Variants in GALNT13 observed in about 807,000 individuals in gnomAD.
The protein encoded by GALNT13 is UDP-GalNAc:polypeptide N-acetylgalactosaminyltransferase 13.
A neutral mutation model predicts 64.2 loss-of-function variants in GALNT13; 28 were observed. The ratio of observed to expected loss-of-function variants is 0.44; its 90% CI spans 0.32 to 0.60. The LOEUF (loss-of-function observed/expected upper bound fraction) is 0.60. GALNT13 is among the 20% of genes least tolerant of loss of function. GALNT13 has a pLI of 0.05. For synonymous variants in GALNT13, 214 were observed against 224.6 expected, an observed-to-expected ratio of 0.95 and a Z score of 0.42; for missense variants, 577 against 669.8, an observed-to-expected ratio of 0.86 and a Z score of 1.53.
At chr2:153,100,861 T>C in the GALNT13 span, among the ~76,000 whole-genome samples, 6 of 152,194 alleles carry the variant, frequency 3.9e-5, no homozygotes, top group African/African-American at 1.4e-4. Context: ...AAACCCCATC[T>C]CTACTAAAAA....
chr2:154,427,514 C>T (rs771757986), intron 11 of GALNT13, among the ~76,000 whole-genome samples: 20 of 152,144 alleles, frequency 1.3e-4, no homozygotes, highest in Non-Finnish European at 2.1e-4. Flanking sequence ...GAAGAATAAG[C>T]TGGCTTGCTG....
chr2:153,256,085 C>G, the GALNT13 span, among the ~76,000 whole-genome samples: 3 of 152,098 alleles, frequency 2.0e-5, no homozygotes, highest in Admixed American at 1.3e-4. Flanking sequence ...TCCATTCTCC[C>G]CATCACTTTC....
the GALNT13 span, among the ~76,000 whole-genome samples, chr2:153,343,868 C>T: frequency 2.6e-5 from 4 of 152,120 alleles, no homozygotes; most frequent in Admixed American, 6.5e-5. Flanking sequence ...ACTAAACACC[C>T]TGCATCTACA....
the GALNT13 span, among the ~76,000 whole-genome samples, chr2:153,390,281 G>A: frequency 3.3e-5 from 5 of 152,004 alleles, no homozygotes; most frequent in African/African-American, 1.2e-4. Flanking sequence ...TGGACACAGG[G>A]AGGGGAACAT....
the GALNT13 span, among the ~76,000 whole-genome samples, chr2:153,259,363 A>AT: frequency 5.7e-4 from 83 of 146,864 alleles, no homozygotes; most frequent in East Asian, 7.4e-3. Flanking sequence ...TAGGTCTTGT[A>AT]TTTTTTTTTT....
At chr2:153,694,511 C>T in the GALNT13 span, among the ~76,000 whole-genome samples, 1 of 152,102 alleles carries the variant, frequency 6.6e-6, no homozygotes, top group Non-Finnish European at 1.5e-5. Flanking sequence ...AGGCACAAAA[C>T]AGGACATATG....
the GALNT13 span, among the ~76,000 whole-genome samples, chr2:153,638,261 A>C: frequency 6.6e-6 from 1 of 152,306 alleles, no homozygotes; most frequent in Non-Finnish European, 1.5e-5. Context: ...AAGGCAAATC[A>C]CTGGAGGAAT....
the GALNT13 span, among the ~76,000 whole-genome samples, chr2:153,082,622 C>T: frequency 0.042 from 958 of 22,616 alleles, 7 homozygotes; most frequent in East Asian, 0.071. Context: ...TATATATACA[C>T]ACACACACAC....
At chr2:153,873,896 C>T (rs1485349814) in intron 1 of GALNT13, among the ~76,000 whole-genome samples, 3 of 151,688 alleles carry the variant, frequency 2.0e-5, no homozygotes, top group Admixed American at 1.3e-4. Flanking sequence ...GTCTCGTTTG[C>T]GTTCATGCCC....
chr2:154,034,411 T>G (rs924723014), intron 3 of GALNT13, among the ~76,000 whole-genome samples: 41 of 152,290 alleles, frequency 2.7e-4, no homozygotes, highest in African/African-American at 8.7e-4. Context: ...GTAGGTGCAG[T>G]TTTGGTTTCA....
chr2:153,226,882 G>A, the GALNT13 span, among the ~76,000 whole-genome samples: 36 of 152,338 alleles, frequency 2.4e-4, no homozygotes, highest in African/African-American at 7.9e-4. Flanking sequence ...GTGAATAATA[G>A]GGGAAACTGG....
chr2:154,000,210 A>C (rs1695807807), intron 3 of GALNT13, among the ~76,000 whole-genome samples: 1 of 150,806 alleles, frequency 6.6e-6, no homozygotes, highest in South Asian at 2.1e-4. Context: ...TTGAGTTTTT[A>C]CTCTTTGTTT....
the GALNT13 span, among the ~76,000 whole-genome samples, chr2:153,671,458 A>T: frequency 6.6e-6 from 1 of 152,212 alleles, no homozygotes. Flanking sequence ...AATAAGTTTC[A>T]TAAGTGAAGG....
At chr2:153,883,561 A>G (rs34732934) in intron 1 of GALNT13, among the ~76,000 whole-genome samples, 3 of 152,090 alleles carry the variant, frequency 2.0e-5, no homozygotes, top group Admixed American at 6.6e-5. Context: ...TATGGTTAAG[A>G]AAAACAGAAA....
the GALNT13 span, among the ~76,000 whole-genome samples, chr2:153,395,089 C>T: frequency 1.3e-5 from 2 of 152,300 alleles, no homozygotes; most frequent in Admixed American, 1.3e-4. Flanking sequence ...GCCGTGGGGC[C>T]TCCTTTGGAG....
At chr2:154,022,139 A>T (rs565014085) in intron 3 of GALNT13, among the ~76,000 whole-genome samples, 4 of 152,310 alleles carry the variant, frequency 2.6e-5, no homozygotes, top group East Asian at 1.9e-4. Context: ...ATCGATGTTC[A>T]TCAAGGATAT....
the GALNT13 span, among the ~76,000 whole-genome samples, chr2:153,086,414 A>T: frequency 6.6e-6 from 1 of 152,144 alleles, no homozygotes; most frequent in South Asian, 2.1e-4. Context: ...CCATGTGCCA[A>T]GGGTGGGGCC....
At chr2:154,207,910 A>C (rs1687551473) in intron 4 of GALNT13, among the ~76,000 whole-genome samples, 1 of 152,196 alleles carries the variant, frequency 6.6e-6, no homozygotes, top group Non-Finnish European at 1.5e-5. Context: ...GGACAAAGGC[A>C]ACATATGTGG....
At chr2:154,232,717 C>A (rs1254459404) in intron 4 of GALNT13, among the ~76,000 whole-genome samples, 1 of 151,900 alleles carries the variant, frequency 6.6e-6, no homozygotes. Flanking sequence ...ACATCAGGTT[C>A]TTTATTTATC....
Sources: gnomAD v4.1 joint callset for allele counts (sites outside exome capture counted in the v4.1 genomes callset) on GRCh38, gnomAD v4.1.1 for gene constraint, MANE v1.5 for transcripts, NCBI Gene and HGNC (gene_info 2026-07-23, HGNC 2026-07-21) for gene names.